IQCM: variants seen among roughly 807,000 people sequenced by gnomAD.
The protein encoded by IQCM is IQ domain-containing protein M.
In IQCM, 45 loss-of-function variants were observed where a neutral mutation model predicts 57.6. The ratio of observed to expected loss-of-function variants is 0.78; its 90% CI spans 0.62 to 1.00. The LOEUF (loss-of-function observed/expected upper bound fraction) is 1.00. Among genes scored for constraint, IQCM ranks in the 50% least tolerant of loss-of-function variants. The pLI, the probability that IQCM is intolerant of heterozygous loss-of-function variation, is 0.00. For missense variants in IQCM, 468 were observed against 511.6 expected (o/e 0.91, Z 0.82); for synonymous variants, 148 against 158.9 (o/e 0.93, Z 0.51).
At chr4:149,378,271 C>T (rs966904551) in intron 13 of IQCM, among the ~76,000 whole-genome samples, 4 of 152,050 alleles carry the variant, frequency 2.6e-5, no homozygotes, top group Non-Finnish European at 5.9e-5. Flanking sequence ...AAAAGATACC[C>T]AAAAATGTGG....
chr4:149,501,059 T>C (rs1326877662), intron 12 of IQCM, among the ~76,000 whole-genome samples: 1 of 152,204 alleles, frequency 6.6e-6, no homozygotes, highest in East Asian at 1.9e-4. Context: ...TGGCATGAAA[T>C]ACTTAAAGCT....
At position 149,569,712 on chromosome 4, in the gene IQCM, G is replaced by C. The variant is rs182841803; in HGVS notation, c.750-5822C>G. Among the ~76,000 whole-genome samples the C allele has an allele frequency of 2.0e-3, 303 of 152,174 alleles. 1 individual carries two copies. The highest frequency in any genetic ancestry group is 1.8e-3 in the Non-Finnish European group (122 of 67,978). ...CTATGGGTACAGGTTTCTCAGTTTAGTTTAAACTGACATCATAACCATGAA... is the reference window on the plus strand; with the variant it reads ...CTATGGGTACAGGTTTCTCAGTTTACTTTAAACTGACATCATAACCATGAA... On this transcript the variant is annotated intron_variant, in intron 9 of 13. Transcript: ENST00000636793.
At chr4:149,424,070 A>G (rs912734655) in intron 13 of IQCM, among the ~76,000 whole-genome samples, 1 of 151,958 alleles carries the variant, frequency 6.6e-6, no homozygotes, top group South Asian at 2.1e-4. Flanking sequence ...TAGTTTATGC[A>G]CAAATACCTA....
chr4:149,489,976 C>T (rs1356801867), intron 12 of IQCM, among the ~76,000 whole-genome samples: 1 of 151,804 alleles, frequency 6.6e-6, no homozygotes, highest in Non-Finnish European at 1.5e-5. Flanking sequence ...AATATTTGTG[C>T]TTTAAAAATC....
At chr4:149,449,189 C>A (rs1736823160) in intron 12 of IQCM, among the ~76,000 whole-genome samples, 1 of 141,380 alleles carries the variant, frequency 7.1e-6, no homozygotes, top group African/African-American at 2.6e-5. Context: ...ACCCGCCACC[C>A]CCCACCACAA....
chr4:149,362,523 A>G (rs184605194), intron 13 of IQCM, among the ~76,000 whole-genome samples: 516 of 152,208 alleles, frequency 3.4e-3, no homozygotes, highest in Non-Finnish European at 6.2e-3. Context: ...AAGTCACATG[A>G]GATCTGATGG....
At chr4:149,446,503 G>T (rs1275606006) in intron 12 of IQCM, among the ~76,000 whole-genome samples, 2 of 151,558 alleles carry the variant, frequency 1.3e-5, no homozygotes, top group Non-Finnish European at 3.0e-5. Flanking sequence ...TTTTTCTGGA[G>T]AGGCACAGGC....
At chr4:149,565,114 T>C (rs529972111) in intron 9 of IQCM, among the ~76,000 whole-genome samples, 2 of 152,204 alleles carry the variant, frequency 1.3e-5, no homozygotes, top group African/African-American at 4.8e-5. Context: ...ACAAATGGAG[T>C]TCCACTGACT....
intron 8 of IQCM, among the ~76,000 whole-genome samples, chr4:149,620,519 T>C (rs1396057843): frequency 1.3e-5 from 2 of 152,236 alleles, no homozygotes; most frequent in African/African-American, 2.4e-5. Flanking sequence ...CACAATGTTG[T>C]AAAATAGCAT....
At chr4:149,429,252 G>A (rs1037478108) in intron 13 of IQCM, among the ~76,000 whole-genome samples, 1 of 151,732 alleles carries the variant, frequency 6.6e-6, no homozygotes, top group African/African-American at 2.4e-5. Flanking sequence ...CAGTGCATAA[G>A]GAAAGACAAC....
intron 9 of IQCM, among the ~76,000 whole-genome samples, chr4:149,572,730 C>CA (rs1298261639): frequency 6.6e-6 from 1 of 151,458 alleles, no homozygotes; most frequent in African/African-American, 2.4e-5. Flanking sequence ...ACACACCTGG[C>CA]AAAAAATAAT....
chr4:149,703,628 T>C, intron 5 of IQCM, among the ~76,000 whole-genome samples: 1 of 151,862 alleles, frequency 6.6e-6, no homozygotes, highest in East Asian at 1.9e-4. Context: ...CACTGCAGGG[T>C]TAACAAAAGC....
At chr4:149,655,898 G>A (rs1759594842) in intron 7 of IQCM, among the ~76,000 whole-genome samples, 1 of 152,070 alleles carries the variant, frequency 6.6e-6, no homozygotes, top group Non-Finnish European at 1.5e-5. Flanking sequence ...TGATAAAACT[G>A]AAATGGTTTG....
intron 7 of IQCM, among the ~76,000 whole-genome samples, chr4:149,670,411 T>C (rs935224320): frequency 6.6e-6 from 1 of 152,208 alleles, no homozygotes; most frequent in Non-Finnish European, 1.5e-5. Flanking sequence ...TATACAATCA[T>C]GTCATCTGCA....
chr4:149,520,664 C>T (rs1358746466), intron 12 of IQCM, among the ~76,000 whole-genome samples: 1 of 152,234 alleles, frequency 6.6e-6, no homozygotes, highest in South Asian at 2.1e-4. Flanking sequence ...TTTGAATGCT[C>T]CAGATGTCAC....
intron 12 of IQCM, among the ~76,000 whole-genome samples, chr4:149,466,364 T>G (rs891362830): frequency 6.6e-6 from 1 of 152,170 alleles, no homozygotes; most frequent in Non-Finnish European, 1.5e-5. Context: ...CTAACAGAAG[T>G]GTAATAATCT....
intron 2 of IQCM, among the ~76,000 whole-genome samples, chr4:149,760,066 G>C (rs1053766467): frequency 2.0e-5 from 3 of 151,938 alleles, no homozygotes; most frequent in Non-Finnish European, 4.4e-5. Context: ...GGAATATTAG[G>C]AAAAATGGCA....
At chr4:149,812,787 T>A (rs1215783655) in intron 2 of IQCM, among the ~76,000 whole-genome samples, 1 of 152,172 alleles carries the variant, frequency 6.6e-6, no homozygotes, top group Non-Finnish European at 1.5e-5. Context: ...TCAGTTTCAC[T>A]GACATAAATT....
chr4:149,717,788 T>C (rs1561194212), intron 5 of IQCM, among the ~76,000 whole-genome samples: 1 of 152,232 alleles, frequency 6.6e-6, no homozygotes, highest in Non-Finnish European at 1.5e-5. Flanking sequence ...GGCATAGACT[T>C]TTAATGTCCT....
Sources: gnomAD v4.1 joint callset for allele counts (sites outside exome capture counted in the v4.1 genomes callset) on GRCh38, gnomAD v4.1.1 for gene constraint, MANE v1.5 for transcripts, NCBI Gene and HGNC (gene_info 2026-07-23, HGNC 2026-07-21) for gene names.